KALRN: variants seen among roughly 807,000 people sequenced by gnomAD.
KALRN encodes the protein kalirin.
A neutral mutation model predicts 353.7 loss-of-function variants in KALRN; 70 were observed. The ratio of observed to expected loss-of-function variants is 0.20; its 90% confidence interval spans 0.16 to 0.24. KALRN has a LOEUF of 0.24. Among genes scored for constraint, KALRN ranks in the 10% least tolerant of loss-of-function variants. The pLI is 1.00. For synonymous variants in KALRN, 1,391 were observed against 1,434.8 expected, an observed-to-expected ratio of 0.97 and a Z score of 0.69; for missense variants, 2,791 against 3,756.7, an observed-to-expected ratio of 0.74 and a Z score of 6.72.
chr3:124,691,155 G>A (rs777986422), intron 51 of KALRN, among the ~76,000 whole-genome samples: 19 of 152,258 alleles, frequency 1.2e-4, no homozygotes, highest in Middle Eastern at 3.4e-3. Context: ...GAGTCCGGGC[G>A]TGGTGGTTCA....
intron 33 of KALRN, 186 bp from the exon 34 acceptor site, chr3:124,562,657 A>G: frequency 5.0e-6 from 2 of 402,776 alleles, no homozygotes; most frequent in Non-Finnish European, 9.0e-6. Flanking sequence ...TCCTGTTCTC[A>G]ACTCTCCTTT....
At chr3:124,125,343 A>G (rs2064522758) in intron 1 of KALRN, among the ~76,000 whole-genome samples, 1 of 152,176 alleles carries the variant, frequency 6.6e-6, no homozygotes, top group African/African-American at 2.4e-5. Context: ...CTGTTCTTTC[A>G]TGTTAGTTTC....
intron 33 of KALRN, among the ~76,000 whole-genome samples, chr3:124,512,511 C>T (rs990890969): frequency 2.0e-5 from 3 of 152,068 alleles, no homozygotes; most frequent in African/African-American, 7.2e-5. Flanking sequence ...ATTAGCCAGG[C>T]ATGGTGGCAC....
chr3:124,699,782 T>C (rs1162892719), intron 55 of KALRN, 87 bp from the exon 56 acceptor site: 1 of 1,281,610 alleles, frequency 7.8e-7, no homozygotes, highest in Non-Finnish European at 1.1e-6. Context: ...TGAATGTGTC[T>C]ATTTTCCTGT....
intron 39 of KALRN, among the ~76,000 whole-genome samples, 184 bp from the exon 40 acceptor site, chr3:124,657,264 A>G (rs2084173224): frequency 6.6e-6 from 1 of 152,036 alleles, no homozygotes; most frequent in Admixed American, 6.5e-5. Flanking sequence ...GAAACTCATA[A>G]AAGTTTTCTC....
At chr3:124,421,452 TGA>T (rs918233463) in intron 14 of KALRN, among the ~76,000 whole-genome samples, 2 of 152,226 alleles carry the variant, frequency 1.3e-5, no homozygotes, top group African/African-American at 4.8e-5. Flanking sequence ...TATGTGTATA[TGA>T]GAGATATTTT....
intron 6 of KALRN, among the ~76,000 whole-genome samples, chr3:124,325,548 A>G (rs1040815694): frequency 6.6e-6 from 1 of 152,094 alleles, no homozygotes; most frequent in Non-Finnish European, 1.5e-5. Flanking sequence ...GTAGATGGCA[A>G]TAGTGTCCTG....
chr3:124,309,191 T>C (rs2078003747), intron 6 of KALRN, among the ~76,000 whole-genome samples: 1 of 152,038 alleles, frequency 6.6e-6, no homozygotes, highest in African/African-American at 2.4e-5. Flanking sequence ...CCCAGATGGC[T>C]TCATCACTGA....
intron 33 of KALRN, among the ~76,000 whole-genome samples, chr3:124,522,901 T>A (rs985101057): frequency 6.6e-6 from 1 of 152,184 alleles, no homozygotes; most frequent in African/African-American, 2.4e-5. Context: ...CAGGGGTAAG[T>A]TTCAGAAGCC....
intron 25 of KALRN, among the ~76,000 whole-genome samples, chr3:124,473,371 A>G (rs887628940): frequency 5.9e-5 from 8 of 135,582 alleles, no homozygotes; most frequent in Admixed American, 7.2e-5. Context: ...TTTTAAAATC[A>G]AAATTAGATA....
intron 55 of KALRN, 116 bp from the exon 56 acceptor site, chr3:124,699,744 ACACGGTAAC>A: frequency 3.4e-6 from 3 of 890,576 alleles, no homozygotes; most frequent in Non-Finnish European, 5.2e-6. Context: ...TCAGAGCCTG[ACACGGTAAC>A]CACAAGCATC....
intron 33 of KALRN, among the ~76,000 whole-genome samples, chr3:124,530,323 A>G (rs973260378): frequency 6.6e-6 from 1 of 152,198 alleles, no homozygotes; most frequent in Non-Finnish European, 1.5e-5. Flanking sequence ...TGAGAGGTCC[A>G]AAAGTTAGAA....
At chr3:124,272,271 G>T (rs551631519) in intron 5 of KALRN, among the ~76,000 whole-genome samples, 1 of 152,324 alleles carries the variant, frequency 6.6e-6, no homozygotes, top group East Asian at 1.9e-4. Flanking sequence ...CCATAATCCT[G>T]AAGTAGTGAT....
intron 4 of KALRN, 166 bp from the exon 5 acceptor site, chr3:124,268,577 G>C: frequency 3.0e-6 from 2 of 667,698 alleles, no homozygotes; most frequent in South Asian, 3.8e-5. Context: ...GATCCTGACT[G>C]ATCTGTGACT....
chr3:124,286,563 T>C (rs193057057), intron 5 of KALRN, among the ~76,000 whole-genome samples: 4 of 152,308 alleles, frequency 2.6e-5, no homozygotes, highest in Admixed American at 6.5e-5. Flanking sequence ...GTGTGCTGTT[T>C]TCTATTGATT....
chr3:124,174,709 C>A (rs368854005), intron 1 of KALRN, among the ~76,000 whole-genome samples: 7 of 152,202 alleles, frequency 4.6e-5, no homozygotes, highest in African/African-American at 1.7e-4. Context: ...CCTCTGCCAA[C>A]TCCTCTCCCC....
At chr3:124,106,805 C>T (rs184257732) in intron 1 of KALRN, among the ~76,000 whole-genome samples, 4 of 152,200 alleles carry the variant, frequency 2.6e-5, no homozygotes, top group Admixed American at 6.5e-5. Context: ...TTATATTCCC[C>T]GATATATACC....
intron 11 of KALRN, 80 bp from the exon 12 acceptor site, chr3:124,395,055 C>A: frequency 9.2e-7 from 1 of 1,087,054 alleles, no homozygotes; most frequent in Non-Finnish European, 1.4e-6. Context: ...TTGGGTGATT[C>A]CAGTCTAGCT....
At chr3:124,329,762 C>G (rs567970451) in intron 7 of KALRN, 99 bp from the exon 8 acceptor site, 1 of 1,381,984 alleles carries the variant, frequency 7.2e-7, no homozygotes, top group East Asian at 2.4e-5. Flanking sequence ...TTCAGAAGTC[C>G]TGATGTTTCT....
Sources: allele counts gnomAD v4.1 joint callset (sites outside exome capture counted in the v4.1 genomes callset), GRCh38; gene constraint gnomAD v4.1.1; transcripts MANE v1.5; gene names NCBI Gene and HGNC (gene_info 2026-07-23, HGNC 2026-07-21).